WDR27: variants seen among roughly 807,000 people sequenced by gnomAD.
WDR27 encodes WD repeat domain 27.
In WDR27, 100 loss-of-function variants were observed where a neutral mutation model predicts 114.4. The ratio of observed to expected loss-of-function variants is 0.87; its 90% CI spans 0.74 to 1.03. WDR27 has a LOEUF of 1.03. WDR27 is among the 50% of genes least tolerant of loss of function. The probability of loss-of-function intolerance (pLI) is 0.00; values close to 1 mark genes in which losing one functional copy is unlikely to be tolerated. For missense variants in WDR27, 1,129 were observed against 1,092.9 expected, an observed-to-expected ratio of 1.03 and a Z score of -0.47; for synonymous variants, 449 against 423.1, an observed-to-expected ratio of 1.06 and a Z score of -0.75.
chr6:169,590,974 G>A lies in WDR27; in HGVS notation c.2425-8040C>T, dbSNP rs547833593. On this transcript the variant is annotated intron_variant, in intron 23 of 25. Transcript: ENST00000448612. ...AAGCGCAGGTATCTCTTCCATATAC[G>A]GATTTCAATTCTTTTGGACAAATAC... is the stretch of plus-strand genomic sequence containing the variant. Among the ~76,000 whole-genome samples the A allele has an allele frequency of 3.3e-5, 5 of 152,254 alleles. No homozygotes were observed. In the East Asian group the frequency reaches 7.7e-4, roughly 23 times the overall value.
chr6:169,441,721 T>A, the WDR27 span, among the ~76,000 whole-genome samples: 1 of 152,208 alleles, frequency 6.6e-6, no homozygotes, highest in Non-Finnish European at 1.5e-5. Flanking sequence ...CCAATGAATT[T>A]TCTTTCACAA....
At chr6:169,491,223 A>G (rs951144845) in intron 25 of WDR27, among the ~76,000 whole-genome samples, 2 of 152,188 alleles carry the variant, frequency 1.3e-5, no homozygotes, top group Non-Finnish European at 2.9e-5. Context: ...AAATATGGCT[A>G]TTTCCTTAAA....
the WDR27 span, among the ~76,000 whole-genome samples, chr6:169,428,578 C>T: frequency 8.5e-6 from 1 of 116,960 alleles, no homozygotes; most frequent in African/African-American, 3.2e-5. Context: ...TTCTTAGCTG[C>T]TCTGTGGGGG....
chr6:169,667,002 G>A (rs866758130), intron 6 of WDR27, 134 bp downstream of exon 6: 1 of 1,282,318 alleles, frequency 7.8e-7, no homozygotes, highest in Middle Eastern at 2.0e-4. Flanking sequence ...CGGGAGTGAA[G>A]GGCTGTAAGT....
chr6:169,540,178 A>G (rs903859848), intron 25 of WDR27, among the ~76,000 whole-genome samples: 3 of 152,170 alleles, frequency 2.0e-5, no homozygotes, highest in Admixed American at 6.5e-5. Context: ...TTCCTTCTCT[A>G]TGGCCCCTAG....
intron 1 of WDR27, among the ~76,000 whole-genome samples, chr6:169,700,695 T>C (rs1323860394): frequency 6.6e-6 from 1 of 152,244 alleles, no homozygotes; most frequent in Non-Finnish European, 1.5e-5. Context: ...AACATGCAAC[T>C]GTTCTATTGG....
chr6:169,500,349 T>C (rs545311567), intron 25 of WDR27, among the ~76,000 whole-genome samples: 17 of 152,286 alleles, frequency 1.1e-4, no homozygotes, highest in Admixed American at 3.9e-4. Flanking sequence ...GGGCAGCCCC[T>C]GGCCTCAGGT....
At chr6:169,641,939 C>T (rs7757917) in intron 17 of WDR27, among the ~76,000 whole-genome samples, 4,366 of 152,328 alleles carry the variant, frequency 0.029, 154 homozygotes, top group African/African-American at 0.085. Flanking sequence ...CGGCGGAAGG[C>T]CTGGGACTCA....
chr6:169,444,192 G>A, the WDR27 span, among the ~76,000 whole-genome samples: 3 of 152,068 alleles, frequency 2.0e-5, no homozygotes, highest in Non-Finnish European at 4.4e-5. Context: ...TCTAACTCCC[G>A]CAAAAACTTA....
intron 15 of WDR27, 76 bp from the exon 16 acceptor site, chr6:169,647,946 G>C: frequency 9.6e-7 from 1 of 1,039,240 alleles, no homozygotes; most frequent in Non-Finnish European, 1.4e-6. Flanking sequence ...AGCAAGAAAC[G>C]AAGTGGGCTT....
intron 25 of WDR27, among the ~76,000 whole-genome samples, chr6:169,560,087 C>T (rs1799473091): frequency 6.6e-6 from 1 of 152,080 alleles, no homozygotes; most frequent in African/African-American, 2.4e-5. Context: ...CCCAAATCTC[C>T]ACTTGAATCG....
intron 25 of WDR27, among the ~76,000 whole-genome samples, chr6:169,526,125 T>C (rs1434805147): frequency 1.3e-5 from 2 of 152,130 alleles, no homozygotes; most frequent in Admixed American, 6.6e-5. Context: ...CGGGCACAAA[T>C]GTACCACTGG....
At chr6:169,657,129 C>T (rs1489790195) in intron 13 of WDR27, among the ~76,000 whole-genome samples, 1 of 152,166 alleles carries the variant, frequency 6.6e-6, no homozygotes, top group Admixed American at 6.5e-5. Context: ...CAGCAGGGAC[C>T]GCCATGGCAG....
At chr6:169,433,133 G>T in the WDR27 span, among the ~76,000 whole-genome samples, 1 of 152,190 alleles carries the variant, frequency 6.6e-6, no homozygotes, top group African/African-American at 2.4e-5. Flanking sequence ...TGTAGAGCAT[G>T]CAGGTTTGTT....
intron 24 of WDR27, among the ~76,000 whole-genome samples, chr6:169,579,427 G>T (rs1481896691): frequency 6.6e-6 from 1 of 152,134 alleles, no homozygotes; most frequent in Non-Finnish European, 1.5e-5. Flanking sequence ...AAATTAGGGG[G>T]TCTGAGGCAG....
chr6:169,527,938 A>G (rs777266521), intron 25 of WDR27, among the ~76,000 whole-genome samples: 12 of 152,156 alleles, frequency 7.9e-5, no homozygotes, highest in Non-Finnish European at 1.3e-4. Flanking sequence ...AGACCAAATA[A>G]TACCTAAAAT....
intron 12 of WDR27, among the ~76,000 whole-genome samples, 196 bp from the exon 13 acceptor site, chr6:169,658,554 T>G (rs1429215819): frequency 6.6e-6 from 1 of 152,204 alleles, no homozygotes; most frequent in Non-Finnish European, 1.5e-5. Context: ...AAAGCGCTGT[T>G]TTATAATGTA....
intron 25 of WDR27, among the ~76,000 whole-genome samples, chr6:169,541,900 T>C (rs1034065903): frequency 3.9e-5 from 6 of 152,184 alleles, no homozygotes; most frequent in Non-Finnish European, 7.4e-5. Flanking sequence ...TTTCTAGGTG[T>C]TCTCCTCCTC....
At position 169,552,973 on chromosome 6, in the gene WDR27, GGTGTGTGTGTGTGTGTGTGTGTGT is replaced by G. The variant is rs3975497; in HGVS notation, c.2645+19422_2645+19445del. On this transcript the variant is annotated intron_variant, in intron 25 of 25. Transcript: ENST00000448612. ...TGTGCTGTTTGGGGAGGGCCTGCCC[GGTGTGTGTGTGTGTGTGTGTGTGT>G]GTGTGTGTGTGTGTGTGTGTGTGTG... 7.3e-4 allele frequency among the ~76,000 whole-genome samples: 45 copies of G among 61,800 alleles called. No individual in the cohort carries two copies. The East Asian group carries it at 0.016, about 23-fold the overall frequency. The allele number at this position is 61,800 out of a possible 152,430, so 40.5% of individuals were successfully genotyped here.
Sources: allele counts gnomAD v4.1 joint callset (sites outside exome capture counted in the v4.1 genomes callset), GRCh38; gene constraint gnomAD v4.1.1; transcripts MANE v1.5; gene names NCBI Gene and HGNC (gene_info 2026-07-23, HGNC 2026-07-21).